The following ZAP70 variants were observed in gnomAD, a reference collection of about 807,000 sequenced individuals.
ZAP70 encodes the protein tyrosine-protein kinase ZAP-70.
In ZAP70, 27 loss-of-function variants were observed where a neutral mutation model predicts 65.8. The ratio of observed to expected loss-of-function variants is 0.41; its 90% confidence interval spans 0.30 to 0.57. The LOEUF is 0.57. Ranked by LOEUF, ZAP70 falls within the 20% of genes least tolerant of loss-of-function variation. The pLI is 0.28. For synonymous variants in ZAP70, 363 were observed against 360.8 expected, an observed-to-expected ratio of 1.01 and a Z score of -0.07; for missense variants, 696 against 870.5, an observed-to-expected ratio of 0.80 and a Z score of 2.52.
At chr2:97,718,592 C>T (rs928216708) in intron 2 of ZAP70, among the ~76,000 whole-genome samples, 11 of 152,192 alleles carry the variant, frequency 7.2e-5, no homozygotes, top group African/African-American at 2.2e-4. Flanking sequence ...GGGACGCAGC[C>T]GAGATGCACA....
rs767814705 is a variant in ZAP70 at position 97,736,035 on chromosome 2, AG to A, written c.1289+582del. Among the ~76,000 whole-genome samples the A allele has an allele frequency of 6.6e-6, 1 of 152,154 alleles. No homozygotes were observed. The highest frequency in any genetic ancestry group is 1.5e-5 in the Non-Finnish European group (1 of 68,034). On this transcript the variant is annotated intron_variant, in intron 10 of 13. Coordinates refer to ENST00000264972, the MANE Select transcript of ZAP70 (RefSeq NM_001079.4). This position sits in a 1 kb window ranked among gnomAD's most constrained non-coding sequence, Gnocchi z 4.0. Reference sequence around the variant, plus strand: ...AAAATAAATAAATAAAAATAAATAAAGGGCACTGCTAGTAAGAGCTTTGTAC... The same window carrying A: ...AAAATAAATAAATAAAAATAAATAAAGGCACTGCTAGTAAGAGCTTTGTAC...
intron 4 of ZAP70, among the ~76,000 whole-genome samples, chr2:97,727,933 A>C (rs898735466): frequency 1.3e-5 from 2 of 152,150 alleles, no homozygotes; most frequent in African/African-American, 4.8e-5. Flanking sequence ...AAGCCTCCTG[A>C]GAGTGGCAGA....
the ZAP70 span, among the ~76,000 whole-genome samples, chr2:97,748,443 C>G: frequency 2.0e-5 from 3 of 152,058 alleles, no homozygotes; most frequent in African/African-American, 4.8e-5. Context: ...TTTCATCAGG[C>G]GAGGAGGCAA....
chr2:97,724,644 G>C, intron 3 of ZAP70: 1 of 1,531,786 alleles, frequency 6.5e-7, no homozygotes, highest in Non-Finnish European at 8.7e-7. Flanking sequence ...CCTTCCGCAG[G>C]CTGAGCGATG....
chr2:97,743,783 G>T (rs923590653), downstream of ZAP70, among the ~76,000 whole-genome samples: 2 of 152,184 alleles, frequency 1.3e-5, no homozygotes, highest in Admixed American at 6.5e-5. Flanking sequence ...GAAATTTCAT[G>T]AAGTGGTTGT....
Position 97,724,261 on chromosome 2 carries a change from A to G in ZAP70, c.225A>G (p.Lys75=). 6.2e-7 allele frequency: 1 copy of G among 1,605,086 alleles called. No homozygotes were observed. Among genetic ancestry groups the G allele is most frequent in the Non-Finnish European group, 8.5e-7 (1 of 1,178,156 alleles). ...GCACCTACGCCATTGCCGGCGGCAA[A>G]GCGCACTGTGGACCGGCAGAGCTCT... The part of the protein sequence containing the change: ...LNGTYAIAGG[K]AHCGPAELCE... Residue 75 remains lysine (K), a synonymous_variant, in exon 3 of 14, where the codon AAA becomes AAG. Transcript: ENST00000264972.
At chr2:97,754,669 C>T in the ZAP70 span, among the ~76,000 whole-genome samples, 1 of 152,222 alleles carries the variant, frequency 6.6e-6, no homozygotes, top group African/African-American at 2.4e-5. Context: ...TCCCAAGGTG[C>T]TGGGACTACA....
At chr2:97,720,358 G>T (rs185542659) in intron 2 of ZAP70, among the ~76,000 whole-genome samples, 77 of 152,218 alleles carry the variant, frequency 5.1e-4, no homozygotes, top group Non-Finnish European at 8.7e-4. Context: ...CTCCTGAGGA[G>T]CTGGGACTAC....
rs56403250 is a variant in ZAP70 at position 97,732,891 on chromosome 2, C to G, written c.572C>G (p.Pro191Arg). Residue 191 changes from proline to arginine, a missense_variant, in exon 5 of 14, where the codon CCG becomes CGG. This residue lies in a region of ZAP70 where 551 missense variants were observed against 630.0 expected (regional missense o/e 0.87). Transcript: ENST00000264972. Reference protein sequence around the residue: ...AQTDGKFLLRPRKEQGTYALS... With the variant: ...AQTDGKFLLRRRKEQGTYALS... ...CTCCCTTCCCCTGCCAGGCTGAGGCCGCGGAAGGAGCAGGGCACATACGCC... is the reference window on the plus strand; with the variant it reads ...CTCCCTTCCCCTGCCAGGCTGAGGCGGCGGAAGGAGCAGGGCACATACGCC... 1 of 1,613,934 alleles carries G rather than the reference C, an allele frequency of 6.2e-7. No individual in the cohort carries two copies.
At chr2:97,719,120 G>T (rs1254298350) in intron 2 of ZAP70, among the ~76,000 whole-genome samples, 1 of 152,140 alleles carries the variant, frequency 6.6e-6, no homozygotes, top group Non-Finnish European at 1.5e-5. Flanking sequence ...GCAGACTCTG[G>T]GGCTCAGCTC....
chr2:97,746,808 G>A, the ZAP70 span, among the ~76,000 whole-genome samples: 1 of 152,166 alleles, frequency 6.6e-6, no homozygotes, highest in African/African-American at 2.4e-5. Context: ...AATGGGCCTA[G>A]TACTTGCAAA....
At chr2:97,743,524 T>C (rs923858717), downstream of ZAP70, among the ~76,000 whole-genome samples, 5 of 152,086 alleles carry the variant, frequency 3.3e-5, 1 homozygote, top group South Asian at 6.2e-4. Flanking sequence ...TTAGTAGAGA[T>C]AGGGTTTCAC....
the ZAP70 span, among the ~76,000 whole-genome samples, chr2:97,752,750 C>T: frequency 6.6e-6 from 1 of 152,194 alleles, no homozygotes; most frequent in African/African-American, 2.4e-5. Context: ...TGGACTAGCC[C>T]CAATCACATT....
Position 97,735,215 on chromosome 2 carries a change from C to T in ZAP70, c.1083-35C>T. The T allele has an allele frequency of 2.5e-6, 4 of 1,612,544 alleles. No homozygotes were observed. The South Asian group carries it at 3.3e-5, about 13-fold the overall frequency. The stretch of plus-strand genomic sequence containing the variant: ...GTGGGGCCGAGCAGGGCCGGTGCCC[C>T]TCGCCCACGTGCCTCCCGTGGCCGG... On this transcript the variant is annotated intron_variant, in intron 9 of 13. Transcript: ENST00000264972.
intron 2 of ZAP70, among the ~76,000 whole-genome samples, chr2:97,718,739 G>A (rs564989018): frequency 6.6e-6 from 1 of 152,290 alleles, no homozygotes; most frequent in African/African-American, 2.4e-5. Context: ...GGCCACGTGG[G>A]GAGGAGCTTC....
the ZAP70 span, among the ~76,000 whole-genome samples, chr2:97,746,746 A>T: frequency 6.6e-6 from 1 of 152,240 alleles, no homozygotes; most frequent in South Asian, 2.1e-4. Flanking sequence ...CATGACATTG[A>T]AACTCTTTGT....
intron 9 of ZAP70, 74 bp downstream of exon 9, chr2:97,734,786 C>G: frequency 1.3e-6 from 2 of 1,572,270 alleles, no homozygotes; most frequent in Non-Finnish European, 1.7e-6. Context: ...GGCTGTGGGA[C>G]GGGAGCCGGG....
At chr2:97,727,304 C>T (rs1030371940) in intron 4 of ZAP70, among the ~76,000 whole-genome samples, 2 of 152,236 alleles carry the variant, frequency 1.3e-5, no homozygotes, top group East Asian at 3.8e-4. Flanking sequence ...AGCAAGTTGT[C>T]GTGAAGGTAT....
chr2:97,745,598 A>G, the ZAP70 span, among the ~76,000 whole-genome samples: 1 of 152,214 alleles, frequency 6.6e-6, no homozygotes, highest in African/African-American at 2.4e-5. Flanking sequence ...AAATGAAAAT[A>G]AAAACCACAG....
Sources: gnomAD v4.1 joint callset for allele counts (sites outside exome capture counted in the v4.1 genomes callset) on GRCh38, gnomAD v4.1.1 for gene constraint, gnomAD v4.1.1 regional missense constraint, Gnocchi (gnomAD v3.1) non-coding constraint, MANE v1.5 for transcripts, NCBI Gene and HGNC (gene_info 2026-07-23, HGNC 2026-07-21) for gene names.